Variants in MTOR observed in about 807,000 individuals in gnomAD.
MTOR encodes the protein mechanistic target of rapamycin kinase.
A neutral mutation model predicts 319.8 loss-of-function variants in MTOR; 70 were observed. The observed-to-expected ratio is 0.22, with a 90% CI of 0.18 to 0.27. The LOEUF (loss-of-function observed/expected upper bound fraction) is 0.27, where lower values mean the gene tolerates loss of function less well. MTOR is among the 10% of genes least tolerant of loss of function. The probability of loss-of-function intolerance (pLI) is 1.00; values close to 1 mark genes in which losing one functional copy is unlikely to be tolerated. For synonymous variants in MTOR, 1,183 were observed against 1,211.4 expected (o/e 0.98, Z 0.49); for missense variants, 1,890 against 3,274.4 (o/e 0.58, Z 10.32).
intron 2 of MTOR, 58 bp downstream of exon 2, chr1:11,259,190 G>A (rs1360479031): frequency 2.9e-5 from 46 of 1,574,778 alleles, no homozygotes; most frequent in East Asian, 2.3e-5. Flanking sequence ...ATGTAAACCA[G>A]TGATGGTACA....
At chr1:11,257,202 C>T (rs371810441) in intron 3 of MTOR, 37 bp from the exon 4 acceptor site, 8 of 1,550,710 alleles carry the variant, frequency 5.2e-6, no homozygotes, top group African/African-American at 1.4e-5. Context: ...GATGATGGGG[C>T]GTATGCTGGC....
At chr1:11,170,535 G>C (rs914278269) in intron 28 of MTOR, among the ~76,000 whole-genome samples, 1 of 151,864 alleles carries the variant, frequency 6.6e-6, no homozygotes, top group Non-Finnish European at 1.5e-5. Context: ...GGGCAACACA[G>C]TGAGACCCCA....
At chr1:11,145,185 T>C in intron 32 of MTOR, 140 bp from the exon 33 acceptor site, 1 of 714,500 alleles carries the variant, frequency 1.4e-6, no homozygotes, top group Non-Finnish European at 2.4e-6. Flanking sequence ...AAGAAGGGCA[T>C]TTTCCCAGAA....
rs1156935323 is a variant in MTOR, at chr1:11,228,844, T to C, written c.2854A>G (p.Met952Val). ...CGGAAGATCCGCATCAGGGCCACCA[T>C]GGACACAGCTGGGTAGAACTCATCC... Reference protein sequence around the residue: ...PLDEFYPAVSMVALMRIFRDQ... With the variant: ...PLDEFYPAVSVVALMRIFRDQ... Residue 952 changes from methionine to valine, a missense_variant, in exon 19 of 58, where the codon ATG becomes GTG. Met to Val is a conservative substitution (Grantham distance 21, BLOSUM62 1). Transcript: ENST00000361445. 6.2e-7 allele frequency: 1 copy of C among 1,614,194 alleles called. No individual in the cohort carries two copies. The highest frequency in any genetic ancestry group is 8.5e-7 in the Non-Finnish European group (1 of 1,180,020).
chr1:11,173,630 C>T lies in MTOR; in HGVS notation c.4254-6113G>A, dbSNP rs17036438. 8.9e-3 allele frequency among the ~76,000 whole-genome samples: 1,354 copies of T among 152,268 alleles called. 20 individuals carry two copies. Among genetic ancestry groups the T allele is most frequent in the African/African-American group, 0.031 (1,285 of 41,552 alleles). The stretch of plus-strand genomic sequence containing the variant: ...AAAGAATAAAGAGATTTTTAGTGAA[C>T]CAGCTGCTATCAGCCTGTGTATTTA... On this transcript the variant is annotated intron_variant, in intron 28 of 57. Coordinates refer to ENST00000361445, the MANE Select transcript of MTOR (RefSeq NM_004958.4).
At chr1:11,186,145 G>A (rs913746591) in intron 28 of MTOR, among the ~76,000 whole-genome samples, 1 of 151,518 alleles carries the variant, frequency 6.6e-6, no homozygotes, top group Non-Finnish European at 1.5e-5. Context: ...GGCAGGCTGT[G>A]GTTTTTTCAA....
intron 11 of MTOR, among the ~76,000 whole-genome samples, chr1:11,239,566 T>C (rs144518834): frequency 1.3e-5 from 2 of 149,778 alleles, no homozygotes; most frequent in East Asian, 3.9e-4. Context: ...GGTATTATTA[T>C]GGGTTTATTT....
intron 13 of MTOR, among the ~76,000 whole-genome samples, chr1:11,237,156 T>C (rs371213433): frequency 2.0e-4 from 31 of 151,952 alleles, no homozygotes; most frequent in African/African-American, 7.2e-4. Context: ...GTGAGCAACA[T>C]AGAGACCCAC....
chr1:11,112,141 C>T (rs951304123), intron 54 of MTOR, among the ~76,000 whole-genome samples: 6 of 152,212 alleles, frequency 3.9e-5, no homozygotes, highest in African/African-American at 1.4e-4. Context: ...GACCCCTGCT[C>T]TGTGAGTCGC....
intron 28 of MTOR, among the ~76,000 whole-genome samples, chr1:11,170,214 A>C (rs1214004219): frequency 1.3e-5 from 2 of 152,196 alleles, no homozygotes; most frequent in African/African-American, 4.8e-5. Context: ...TAAGAATGAA[A>C]AGCAAGTCTA....
Position 11,228,525 on chromosome 1 carries a change from CT to C in MTOR, c.3030+142del, listed in dbSNP as rs1413404140. 365 of 1,145,458 alleles carry C rather than the reference CT, an allele frequency of 3.2e-4. 1 individual carries two copies. The highest frequency in any genetic ancestry group is 1.1e-4 in the Non-Finnish European group (90 of 806,190). The allele number at this position is 1,145,458 out of a possible 1,614,324, so 71.0% of individuals were successfully genotyped here. On this transcript the variant is annotated intron_variant, in intron 19 of 57. Coordinates refer to ENST00000361445, the MANE Select transcript of MTOR (RefSeq NM_004958.4). ...GACACTGGAGTGAGCTGATTGTACA[CT>C]TTATATGTTGGGAGTTAAGGGGGAG... is the stretch of plus-strand genomic sequence containing the variant.
intron 28 of MTOR, chr1:11,193,479 C>A: frequency 9.4e-7 from 1 of 1,066,024 alleles, no homozygotes; most frequent in Non-Finnish European, 1.3e-6. Flanking sequence ...GTGCACACAT[C>A]TACTGGCTCT....
intron 52 of MTOR, 135 bp from the exon 53 acceptor site, chr1:11,114,588 G>A: frequency 7.7e-7 from 1 of 1,306,688 alleles, no homozygotes; most frequent in East Asian, 2.5e-5. Context: ...TGTCTTAGGA[G>A]AAGGAATCAG....
intron 11 of MTOR, among the ~76,000 whole-genome samples, chr1:11,239,116 G>A (rs550313587): frequency 2.4e-4 from 36 of 152,070 alleles, no homozygotes; most frequent in Non-Finnish European, 4.4e-4. Flanking sequence ...ATTTCAATCA[G>A]CAGAAAGGTA....
chr1:11,251,663 T>C (rs1328636994), intron 6 of MTOR, among the ~76,000 whole-genome samples: 2 of 150,658 alleles, frequency 1.3e-5, no homozygotes, highest in East Asian at 3.9e-4. Flanking sequence ...TTCTTTTTTT[T>C]TTTTTTTTTT....
intron 11 of MTOR, among the ~76,000 whole-genome samples, chr1:11,239,090 A>C (rs1274076464): frequency 1.3e-5 from 2 of 152,292 alleles, no homozygotes; most frequent in East Asian, 3.9e-4. Context: ...AGAACTTTTA[A>C]AGGGTAACAA....
intron 32 of MTOR, among the ~76,000 whole-genome samples, chr1:11,146,462 C>T (rs1282570311): frequency 6.6e-6 from 1 of 152,164 alleles, no homozygotes; most frequent in African/African-American, 2.4e-5. Context: ...CAGTAGCTTC[C>T]AGAACACATT....
At chr1:11,173,259 G>T (rs1557802991) in intron 28 of MTOR, among the ~76,000 whole-genome samples, 2 of 152,024 alleles carry the variant, frequency 1.3e-5, no homozygotes, top group Non-Finnish European at 2.9e-5. Context: ...CTCCCAAAGT[G>T]CTGGGATTAC....
At chr1:11,209,265 G>A (rs1460928558) in intron 25 of MTOR, 47 bp downstream of exon 25, 1 of 1,610,950 alleles carries the variant, frequency 6.2e-7, no homozygotes, top group South Asian at 1.1e-5. Flanking sequence ...GAGTAAGTGA[G>A]AAGAGCAGAG....
Sources: allele counts gnomAD v4.1 joint callset (sites outside exome capture counted in the v4.1 genomes callset), GRCh38; gene constraint gnomAD v4.1.1; transcripts MANE v1.5; gene names NCBI Gene and HGNC (gene_info 2026-07-23, HGNC 2026-07-21).